C1orf167: variants seen among roughly 807,000 people sequenced by gnomAD.
C1orf167 encodes uncharacterized protein C1orf167.
Under a neutral mutation model 176.5 loss-of-function variants are expected in C1orf167, and 153 were observed. That is an observed-to-expected ratio of 0.87 (90% CI 0.76 to 0.99). C1orf167 has a LOEUF of 0.99. C1orf167 is among the 50% of genes least tolerant of loss of function. The pLI, the probability that C1orf167 is intolerant of heterozygous loss-of-function variation, is 0.00. For missense variants in C1orf167, 1,490 were observed against 1,817.7 expected, an observed-to-expected ratio of 0.82 and a Z score of 3.28; for synonymous variants, 594 against 752.7, an observed-to-expected ratio of 0.79 and a Z score of 3.45.
intron 8 of C1orf167, among the ~76,000 whole-genome samples, chr1:11,774,037 G>C (rs1349537438): frequency 6.6e-6 from 1 of 151,892 alleles, no homozygotes; most frequent in Non-Finnish European, 1.5e-5. Context: ...CAAGTAGCTG[G>C]GACTATAGGT....
intron 17 of C1orf167, 163 bp downstream of exon 17, chr1:11,787,656 G>C: frequency 1.1e-6 from 1 of 875,226 alleles, no homozygotes; most frequent in African/African-American, 1.8e-5. Flanking sequence ...GCTGTTCTGA[G>C]AAAACACTTT....
At chr1:11,787,713 C>CAAA in intron 17 of C1orf167, 160 bp from the exon 18 acceptor site, 1 of 1,076,888 alleles carries the variant, frequency 9.3e-7, no homozygotes, top group South Asian at 1.7e-5. Flanking sequence ...GGCAGGCAGC[C>CAAA]GGGAGAGGCT....
intron 16 of C1orf167, chr1:11,787,091 CTCAGACTCTGGAG>C (rs1347689841): frequency 5.6e-6 from 1 of 178,066 alleles, no homozygotes; most frequent in African/African-American, 2.4e-5. Context: ...TAGCCGGGGG[CTCAGACTCTGGAG>C]TCAGACGGCT....
At chr1:11,782,843 C>T (rs953101676) in intron 14 of C1orf167, among the ~76,000 whole-genome samples, 7 of 150,024 alleles carry the variant, frequency 4.7e-5, no homozygotes, top group Non-Finnish European at 7.4e-5. Flanking sequence ...CACTTGAATC[C>T]GGGAGGCGGA....
chr1:11,763,442 CAA>C (rs34701302), intron 1 of C1orf167, among the ~76,000 whole-genome samples: 514 of 107,764 alleles, frequency 4.8e-3, no homozygotes, highest in South Asian at 0.015. Flanking sequence ...GACTCCGGCT[CAA>C]AAAAAAAAAA....
Position 11,789,479 on chromosome 1 carries a change from C to T in C1orf167, c.*33C>T, listed in dbSNP as rs113958691. ...TCATAGAATAAAAAACAGAACTGAA[C>T]TTAGCCTTCCCAGGGAAGGAACCAT... On this transcript the variant is annotated 3_prime_UTR_variant, in exon 21 of 21. Coordinates refer to ENST00000688073, the MANE Select transcript of C1orf167 (RefSeq NM_001010881.2). 6.2e-6 allele frequency: 8 copies of T among 1,295,908 alleles called. No individual in the cohort carries two copies. In the African/African-American group the frequency reaches 9.1e-5, roughly 15 times the overall value. 80.3% of individuals were successfully genotyped at this position (1,295,908 alleles called of 1,614,324 possible). A position where few individuals can be genotyped will look rare whatever the true frequency, so the allele number is the denominator to read the frequency against.
chr1:11,772,396 C>A, intron 8 of C1orf167, 137 bp downstream of exon 8: 1 of 761,450 alleles, frequency 1.3e-6, no homozygotes. Context: ...TCTCGAGTAG[C>A]TGGGACCATA....
chr1:11,767,917 G>C (rs1401938911), intron 4 of C1orf167, among the ~76,000 whole-genome samples, 160 bp from the exon 5 acceptor site: 1 of 152,144 alleles, frequency 6.6e-6, no homozygotes, highest in Non-Finnish European at 1.5e-5. Context: ...CCATCAGTAA[G>C]AGGGAAGTTC....
chr1:11,784,739 C>A (rs1265528420), intron 15 of C1orf167, 146 bp downstream of exon 15: 1 of 924,970 alleles, frequency 1.1e-6, no homozygotes, highest in Non-Finnish European at 1.4e-6. Flanking sequence ...GGAGAGGCCG[C>A]CCTGGCCATC....
At chr1:11,771,694 G>C in intron 7 of C1orf167, 58 bp downstream of exon 7, 1 of 1,173,440 alleles carries the variant, frequency 8.5e-7, no homozygotes. Context: ...CAGGGCCTGA[G>C]CTCCACACTG....
chr1:11,765,485 C>CTT (rs550064555), intron 2 of C1orf167, among the ~76,000 whole-genome samples: 40 of 151,598 alleles, frequency 2.6e-4, no homozygotes, highest in African/African-American at 9.2e-4. Context: ...TGATTCTTTT[C>CTT]TTTTTTTTTC....
chr1:11,783,927 G>A (rs566823924), intron 14 of C1orf167, among the ~76,000 whole-genome samples: 17 of 152,064 alleles, frequency 1.1e-4, no homozygotes, highest in Non-Finnish European at 2.1e-4. Flanking sequence ...GCGCGATCTC[G>A]GCTTACTGCA....
In C1orf167 at chr1:11,769,092, G is replaced by A. The variant is rs1207835522; in HGVS notation, c.1662G>A (p.Val554=). The change falls in exon 6 of 21, where the codon GTG becomes GTA. Residue 554 remains valine, a synonymous_variant. Transcript: ENST00000688073. ...KGLSLGRSTV[V]DPAQRSRLEH... ...TCTCCTTGGGAAGAAGCACAGTGGT[G>A]GACCCCGCCCAGAGAAGCAGGCTGG... 16 of 985,826 alleles carry A rather than the reference G, an allele frequency of 1.6e-5. No individual in the cohort carries two copies. Among genetic ancestry groups the A allele is most frequent in the Non-Finnish European group, 4.8e-6 (4 of 829,994 alleles). The allele number at this position is 985,826 out of a possible 1,614,324, so 61.1% of individuals were successfully genotyped here.
intron 1 of C1orf167, among the ~76,000 whole-genome samples, chr1:11,763,696 T>C (rs1642640415): frequency 6.6e-6 from 1 of 151,962 alleles, no homozygotes; most frequent in Non-Finnish European, 1.5e-5. Flanking sequence ...TTGATTTCAG[T>C]GTTTACAGGA....
At chr1:11,765,053 CAAAAAAAAAAAA>C (rs376686533) in intron 2 of C1orf167, among the ~76,000 whole-genome samples, 1 of 67,460 alleles carries the variant, frequency 1.5e-5, no homozygotes, top group African/African-American at 7.2e-5. Context: ...GACTCTGTCT[CAAAAAAAAAAAA>C]AAAAAAAAAA....
At chr1:11,780,408 C>T (rs551058581) in intron 13 of C1orf167, among the ~76,000 whole-genome samples, 2 of 152,234 alleles carry the variant, frequency 1.3e-5, no homozygotes, top group Middle Eastern at 3.4e-3. Context: ...CTCACCACCC[C>T]CCATACCCTC....
intron 8 of C1orf167, among the ~76,000 whole-genome samples, chr1:11,773,047 G>A (rs1326794503): frequency 2.0e-5 from 3 of 152,050 alleles, no homozygotes; most frequent in African/African-American, 7.2e-5. Context: ...ACAGGCACAT[G>A]CCACCACGCC....
chr1:11,771,069 ATTTTTTTT>A lies in C1orf167; in HGVS notation c.1698-435_1698-428del, dbSNP rs147195468. Reference sequence around the variant, plus strand: ...TGTGTGTATATATATATATATATATATTTTTTTTTTTTTTTTTTTTTTTTTTTGTAGTA... The same window carrying A: ...TGTGTGTATATATATATATATATATATTTTTTTTTTTTTTTTTTTGTAGTA... On this transcript the variant is annotated intron_variant, in intron 6 of 20. Transcript: ENST00000688073. Among the ~76,000 whole-genome samples, 97 of 47,146 alleles carry A rather than the reference ATTTTTTTT, an allele frequency of 2.1e-3. 3 individuals are homozygous for A. The highest frequency in any genetic ancestry group is 7.6e-3 in the African/African-American group (77 of 10,118). 30.9% of individuals were successfully genotyped at this position (47,146 alleles called of 152,430 possible). A position where few individuals can be genotyped will look rare whatever the true frequency, so the allele number is the denominator to read the frequency against.
At chr1:11,784,899 G>T (rs1643775451) in intron 15 of C1orf167, among the ~76,000 whole-genome samples, 2 of 152,212 alleles carry the variant, frequency 1.3e-5, no homozygotes, top group Admixed American at 1.3e-4. Context: ...AGGCAAAGTG[G>T]CACTGGCAGG....
Sources: gnomAD v4.1 joint callset for allele counts (sites outside exome capture counted in the v4.1 genomes callset) on GRCh38, gnomAD v4.1.1 for gene constraint, MANE v1.5 for transcripts, NCBI Gene and HGNC (gene_info 2026-07-23, HGNC 2026-07-21) for gene names.